The following APBB2 variants were observed in gnomAD, a reference collection of about 807,000 sequenced individuals.
The protein encoded by APBB2 is amyloid beta precursor protein binding family B member 2, also known as Fe65-like 1.
A neutral mutation model predicts 82.5 loss-of-function variants in APBB2; 38 were observed. The observed-to-expected ratio is 0.46, with a 90% CI of 0.36 to 0.60. The LOEUF is 0.60. Ranked by LOEUF, APBB2 falls within the 20% of genes least tolerant of loss-of-function variation. APBB2 has a pLI of 0.00. For missense variants in APBB2, 772 were observed against 972.3 expected (o/e 0.79, Z 2.74); for synonymous variants, 341 against 368.2 (o/e 0.93, Z 0.85).
chr4:41,157,144 C>T (rs1007241449), intron 1 of APBB2, among the ~76,000 whole-genome samples: 2 of 151,842 alleles, frequency 1.3e-5, no homozygotes, highest in South Asian at 2.1e-4. Flanking sequence ...TGTTTTAAAG[C>T]GCTTGGCACA....
chr4:40,822,178 G>A (rs1040099959), intron 16 of APBB2, 128 bp from the exon 17 acceptor site: 120 of 1,106,150 alleles, frequency 1.1e-4, no homozygotes, highest in Non-Finnish European at 1.4e-4. Flanking sequence ...TGTTTTTCTC[G>A]AAAGGCGGAA....
At chr4:40,900,461 T>G (rs1431023855) in intron 10 of APBB2, among the ~76,000 whole-genome samples, 2 of 150,466 alleles carry the variant, frequency 1.3e-5, no homozygotes. Context: ...GAGGTTTTTT[T>G]TTTTTTTTTT....
intron 6 of APBB2, among the ~76,000 whole-genome samples, chr4:41,008,262 A>C (rs909957941): frequency 4.3e-4 from 66 of 152,342 alleles, no homozygotes; most frequent in African/African-American, 1.6e-3. Flanking sequence ...AACCCACAGA[A>C]TCTCAGTGTG....
chr4:41,048,126 G>GT lies in APBB2; in HGVS notation c.-50-14823dup, dbSNP rs1417053212. ...ACAGTGGCCTAGAAGACATTTGGCA[G>GT]TTTTCTTAATGATAACACCAGTTGA... On this transcript the variant is annotated intron_variant, in intron 4 of 17. Coordinates refer to ENST00000508593, the MANE Select transcript of APBB2 (RefSeq NM_004307.2). 7.2e-5 allele frequency among the ~76,000 whole-genome samples: 11 copies of GT among 152,334 alleles called. No individual in the cohort carries two copies. In the East Asian group the frequency reaches 1.9e-3, roughly 27 times the overall value.
At chr4:41,017,572 A>C (rs191167285) in intron 5 of APBB2, among the ~76,000 whole-genome samples, 1 of 152,260 alleles carries the variant, frequency 6.6e-6, no homozygotes, top group Non-Finnish European at 1.5e-5. Flanking sequence ...CTTGGTTTAC[A>C]TGACAAGTAA....
At chr4:40,866,890 T>G (rs1019745520) in intron 12 of APBB2, among the ~76,000 whole-genome samples, 2 of 152,086 alleles carry the variant, frequency 1.3e-5, no homozygotes, top group Non-Finnish European at 2.9e-5. Context: ...GCTAATTTTT[T>G]GTATTTTTAG....
rs867183143 is a variant in APBB2, at chr4:41,074,613, T to A, written c.-148-8940A>T. Among the ~76,000 whole-genome samples the A allele has an allele frequency of 2.0e-3, 274 of 137,854 alleles. 1 individual carries two copies. Among genetic ancestry groups the A allele is most frequent in the African/African-American group, 4.8e-3 (186 of 38,964 alleles). The allele number at this position is 137,854 out of a possible 152,430, so 90.4% of individuals were successfully genotyped here. On this transcript the variant is annotated intron_variant, in intron 3 of 17. Transcript: ENST00000508593. ...AGGCAAATATTATTATTATTATTTT[T>A]TTTTTTTTTTTTTTGAGATGGAGTC...
chr4:41,049,988 C>T (rs900605123), intron 4 of APBB2, among the ~76,000 whole-genome samples: 8 of 151,998 alleles, frequency 5.3e-5, no homozygotes, highest in Non-Finnish European at 8.8e-5. Context: ...TGCGGAAGGC[C>T]ACAGGGTCCT....
chr4:40,968,928 T>C (rs1236961678), intron 6 of APBB2, among the ~76,000 whole-genome samples: 1 of 152,196 alleles, frequency 6.6e-6, no homozygotes, highest in African/African-American at 2.4e-5. Flanking sequence ...TCCCCCATAC[T>C]GTTCTCATGG....
intron 2 of APBB2, among the ~76,000 whole-genome samples, chr4:41,111,565 C>T (rs1054811798): frequency 6.6e-6 from 1 of 152,156 alleles, no homozygotes; most frequent in African/African-American, 2.4e-5. Flanking sequence ...CTAGTTGTCT[C>T]TGGGTTTCTT....
intron 2 of APBB2, among the ~76,000 whole-genome samples, chr4:41,132,683 T>G (rs1013543378): frequency 3.3e-5 from 5 of 152,218 alleles, no homozygotes; most frequent in Admixed American, 2.0e-4. Flanking sequence ...TTCCTTTCTA[T>G]TTTTCAACTC....
intron 10 of APBB2, among the ~76,000 whole-genome samples, chr4:40,911,666 G>A (rs1445401592): frequency 1.3e-5 from 2 of 152,146 alleles, no homozygotes; most frequent in East Asian, 3.9e-4. Context: ...CCTGCAGACT[G>A]GAGCCCATAT....
chr4:40,908,195 AC>A (rs1777586334), intron 10 of APBB2, among the ~76,000 whole-genome samples: 2 of 152,182 alleles, frequency 1.3e-5, no homozygotes, highest in East Asian at 3.9e-4. Flanking sequence ...GCCAGCACAA[AC>A]CCGGGAGAGC....
intron 12 of APBB2, among the ~76,000 whole-genome samples, chr4:40,847,020 G>C (rs1757877261): frequency 6.6e-6 from 1 of 152,074 alleles, no homozygotes; most frequent in African/African-American, 2.4e-5. Flanking sequence ...ATTATAGTTA[G>C]TTATTAAGTG....
At chr4:40,862,163 A>G (rs1762910310) in intron 12 of APBB2, among the ~76,000 whole-genome samples, 1 of 152,240 alleles carries the variant, frequency 6.6e-6, no homozygotes, top group African/African-American at 2.4e-5. Context: ...CCATAATCCA[A>G]TTTCAATTTG....
chr4:40,898,116 T>G (rs1774219931), intron 10 of APBB2, among the ~76,000 whole-genome samples: 1 of 152,220 alleles, frequency 6.6e-6, no homozygotes, highest in African/African-American at 2.4e-5. Flanking sequence ...ACTTCAGGTC[T>G]CTAAGTCTCA....
At chr4:40,931,357 C>T (rs9994458) in intron 10 of APBB2, among the ~76,000 whole-genome samples, 7 of 152,136 alleles carry the variant, frequency 4.6e-5, no homozygotes, top group African/African-American at 1.2e-4. Flanking sequence ...TGGCTCACTG[C>T]GGCCTTTACC....
At chr4:41,000,057 A>ATGTGTGTGTG (rs1804726089) in intron 6 of APBB2, among the ~76,000 whole-genome samples, 1 of 86,264 alleles carries the variant, frequency 1.2e-5, no homozygotes, top group Non-Finnish European at 2.5e-5. Flanking sequence ...GTATATGTAT[A>ATGTGTGTGTG]TATATGTGTG....
At chr4:41,009,091 T>A (rs1176531461) in intron 6 of APBB2, among the ~76,000 whole-genome samples, 1 of 152,142 alleles carries the variant, frequency 6.6e-6, no homozygotes, top group Non-Finnish European at 1.5e-5. Flanking sequence ...AAATGATGCA[T>A]CTTTTCAACG....
Sources: gnomAD v4.1 joint callset for allele counts (sites outside exome capture counted in the v4.1 genomes callset) on GRCh38, gnomAD v4.1.1 for gene constraint, MANE v1.5 for transcripts, NCBI Gene and HGNC (gene_info 2026-07-23, HGNC 2026-07-21) for gene names.